The following CNOT10 variants were observed in gnomAD, a reference collection of about 807,000 sequenced individuals.
CNOT10 encodes CCR4-NOT transcription complex subunit 10, also known as CCR4-NOT transcription complex, subunit 10.
Under a neutral mutation model 94.6 loss-of-function variants are expected in CNOT10, and 30 were observed. The observed-to-expected ratio is 0.32, with a 90% CI of 0.24 to 0.43. The LOEUF (loss-of-function observed/expected upper bound fraction) is 0.43, where lower values mean the gene tolerates loss of function less well. Among genes scored for constraint, CNOT10 ranks in the 20% least tolerant of loss-of-function variants. CNOT10 has a pLI of 1.00. For missense variants in CNOT10, 759 were observed against 877.2 expected, an observed-to-expected ratio of 0.87 and a Z score of 1.70; for synonymous variants, 289 against 301.6, an observed-to-expected ratio of 0.96 and a Z score of 0.43.
At chr3:32,720,258 T>C (rs1698309924) in intron 8 of CNOT10, 27 bp downstream of exon 8, 1 of 899,526 alleles carries the variant, frequency 1.1e-6, no homozygotes, top group Non-Finnish European at 1.6e-6. Flanking sequence ...AAATTTTAAC[T>C]TTTTTTTGCC....
chr3:32,715,305 T>C (rs1305424351), intron 5 of CNOT10, among the ~76,000 whole-genome samples: 4 of 152,138 alleles, frequency 2.6e-5, no homozygotes, highest in Non-Finnish European at 4.4e-5. Context: ...TGGAAGATGG[T>C]TAATAGTTTG....
intron 2 of CNOT10, 136 bp from the exon 3 acceptor site, chr3:32,704,674 TA>T: frequency 1.1e-6 from 1 of 897,562 alleles, no homozygotes; most frequent in South Asian, 1.9e-5. Flanking sequence ...TGACTTTGAT[TA>T]GTATATGTAG....
intron 13 of CNOT10, among the ~76,000 whole-genome samples, chr3:32,749,671 A>G (rs1269656484): frequency 2.0e-5 from 3 of 152,060 alleles, no homozygotes; most frequent in African/African-American, 7.2e-5. Flanking sequence ...CGGCCTCCCA[A>G]AGTGCTGGGA....
intron 17 of CNOT10, among the ~76,000 whole-genome samples, chr3:32,768,361 C>A (rs937785232): frequency 3.3e-5 from 5 of 152,110 alleles, no homozygotes; most frequent in African/African-American, 1.2e-4. Context: ...GCGGGTGGAT[C>A]ATCTGAGGTG....
At chr3:32,734,696 G>T in intron 11 of CNOT10, 104 bp from the exon 12 acceptor site, 1 of 948,790 alleles carries the variant, frequency 1.1e-6, no homozygotes, top group South Asian at 2.1e-5. Flanking sequence ...CCTATCAAAA[G>T]GCATAGCTTT....
intron 1 of CNOT10, among the ~76,000 whole-genome samples, chr3:32,692,043 C>T (rs1318305502): frequency 6.8e-6 from 1 of 147,044 alleles, no homozygotes; most frequent in East Asian, 2.0e-4. Context: ...TGAGTGAGAC[C>T]CTGTCACCAA....
chr3:32,703,661 G>A (rs1047799713), intron 1 of CNOT10: 9 of 483,954 alleles, frequency 1.9e-5, no homozygotes, highest in Admixed American at 1.1e-4. Flanking sequence ...GGGACAGAGC[G>A]GGACACTGCA....
chr3:32,734,571 G>A (rs1322469165), intron 11 of CNOT10, among the ~76,000 whole-genome samples: 2 of 152,094 alleles, frequency 1.3e-5, no homozygotes, highest in African/African-American at 4.8e-5. Context: ...CATTCCTAGA[G>A]ACACAGTGTA....
intron 17 of CNOT10, chr3:32,765,101 A>G: frequency 1.3e-6 from 1 of 792,226 alleles, no homozygotes; most frequent in Non-Finnish European, 1.8e-6. Flanking sequence ...CAGGCGGATC[A>G]TGAGGTCAGG....
intron 13 of CNOT10, among the ~76,000 whole-genome samples, chr3:32,742,282 A>G (rs772403076): frequency 1.8e-4 from 27 of 151,978 alleles, no homozygotes; most frequent in Admixed American, 5.2e-4. Flanking sequence ...TCTAATAGGG[A>G]AGTAAGATGT....
At position 32,734,849 on chromosome 3, in the gene CNOT10, A is replaced by G. The variant is rs199606164; in HGVS notation, c.1387A>G (p.Ile463Val). ...TGTAGCCAGTATGGAGTTTGCAGCC[A>G]TATGTCTCAGAAATGCCTTGTTGCT... ...IPVASMEFAA[I>V]CLRNALLLLP... is the part of the protein sequence containing the mutation. Residue 463 changes from isoleucine (I) to valine (V), a missense_variant, in exon 12 of 19, where the codon ATA becomes GTA. By Grantham distance (29) the Ile-to-Val change is conservative (BLOSUM62 3). Around this residue, in one of 3 missense-constraint regions of CNOT10, gnomAD observed 682 missense variants for 799.4 expected, o/e 0.85. Transcript: ENST00000328834. 2.5e-6 allele frequency: 4 copies of G among 1,614,112 alleles called. No homozygotes were observed. Among genetic ancestry groups the G allele is most frequent in the East Asian group, 2.2e-5 (1 of 44,876 alleles).
chr3:32,773,789 C>A lies in CNOT10; in HGVS notation c.*178C>A. The A allele has an allele frequency of 1.8e-6, 1 of 560,666 alleles. No individual in the cohort carries two copies. Among genetic ancestry groups the A allele is most frequent in the Non-Finnish European group, 3.0e-6 (1 of 338,378 alleles). 34.7% of individuals were successfully genotyped at this position (560,666 alleles called of 1,614,324 possible). A position where few individuals can be genotyped will look rare whatever the true frequency, so the allele number is the denominator to read the frequency against. ...TAAGGATTTACTAAGTCATCATCAG[C>A]TGTTTTTCTTAATTTCAGCCAGACT... On this transcript the variant is annotated 3_prime_UTR_variant, in exon 19 of 19. Transcript: ENST00000328834.
intron 13 of CNOT10, among the ~76,000 whole-genome samples, chr3:32,751,689 TTTC>T (rs2125613325): frequency 6.6e-6 from 1 of 152,346 alleles, no homozygotes; most frequent in East Asian, 1.9e-4. Context: ...AGAAACCATA[TTTC>T]TTCTTTTGTT....
intron 10 of CNOT10, 73 bp downstream of exon 10, chr3:32,727,943 A>G: frequency 9.3e-7 from 1 of 1,070,486 alleles, no homozygotes; most frequent in Non-Finnish European, 1.4e-6. Flanking sequence ...TAAAAAAAAA[A>G]AAAAAACCTT....
intron 13 of CNOT10, among the ~76,000 whole-genome samples, chr3:32,758,338 T>C (rs1483455255): frequency 2.6e-5 from 4 of 152,184 alleles, no homozygotes; most frequent in African/African-American, 9.7e-5. Flanking sequence ...GGGCTGCCTT[T>C]CTAAGATTCT....
intron 1 of CNOT10, 125 bp from the exon 2 acceptor site, chr3:32,703,743 A>G (rs763034191): frequency 8.8e-5 from 56 of 638,726 alleles, no homozygotes; most frequent in Non-Finnish European, 1.5e-4. Context: ...TATTTCTGGA[A>G]TTTTCCATCT....
intron 4 of CNOT10, among the ~76,000 whole-genome samples, chr3:32,709,568 G>A (rs2125526294): frequency 6.6e-6 from 1 of 152,312 alleles, no homozygotes; most frequent in South Asian, 2.1e-4. Context: ...GAGGTAGAGA[G>A]TCCCCTTTTG....
In CNOT10 at chr3:32,728,843, G is replaced by C. The variant is rs1217060926; in HGVS notation, c.1215+973G>C. On this transcript the variant is annotated intron_variant, in intron 10 of 18. Transcript: ENST00000328834. ...ACAGCCAGGTGCGGTGGTCACGCCTGTAATCCCAGCACTTTGGGAGGCCGA... is the reference window on the plus strand; with the variant it reads ...ACAGCCAGGTGCGGTGGTCACGCCTCTAATCCCAGCACTTTGGGAGGCCGA... Among the ~76,000 whole-genome samples, 5 of 152,064 alleles carry C rather than the reference G, an allele frequency of 3.3e-5. No homozygotes were observed. The East Asian group carries it at 9.7e-4, about 29-fold the overall frequency.
intron 13 of CNOT10, among the ~76,000 whole-genome samples, chr3:32,756,844 C>T (rs1247110864): frequency 1.3e-5 from 2 of 152,114 alleles, no homozygotes; most frequent in African/African-American, 4.8e-5. Context: ...TGCAGTGGCT[C>T]ACGCCTATAA....
Sources: allele counts gnomAD v4.1 joint callset (sites outside exome capture counted in the v4.1 genomes callset), GRCh38; gene constraint gnomAD v4.1.1; regional missense constraint gnomAD v4.1.1; transcripts MANE v1.5; gene names NCBI Gene and HGNC (gene_info 2026-07-23, HGNC 2026-07-21).